DENND1A: variants seen among roughly 807,000 people sequenced by gnomAD.
DENND1A encodes the protein DENN domain containing 1A.
A neutral mutation model predicts 113.7 loss-of-function variants in DENND1A; 51 were observed. That is an observed-to-expected ratio of 0.45 (90% CI 0.36 to 0.57). The LOEUF (loss-of-function observed/expected upper bound fraction) is 0.57. Ranked by LOEUF, DENND1A falls within the 20% of genes least tolerant of loss-of-function variation. The probability of loss-of-function intolerance (pLI) is 0.00; values close to 1 mark genes in which losing one functional copy is unlikely to be tolerated. For missense variants in DENND1A, 1,258 were observed against 1,395.9 expected (o/e 0.90, Z 1.57); for synonymous variants, 565 against 570.8 (o/e 0.99, Z 0.14).
At chr9:123,715,113 G>C (rs1465685015) in intron 5 of DENND1A, among the ~76,000 whole-genome samples, 1 of 152,130 alleles carries the variant, frequency 6.6e-6, no homozygotes, top group Non-Finnish European at 1.5e-5. Context: ...GAACCTGGGA[G>C]GTGGAGGTTG....
chr9:123,867,722 C>A (rs1845981978), intron 2 of DENND1A, among the ~76,000 whole-genome samples: 1 of 152,118 alleles, frequency 6.6e-6, no homozygotes, highest in African/African-American at 2.4e-5. Flanking sequence ...TCCCCCAGTT[C>A]TCCCCCTGCT....
intron 4 of DENND1A, 44 bp from the exon 5 acceptor site, chr9:123,757,866 G>C (rs750010584): frequency 4.4e-6 from 7 of 1,579,830 alleles, no homozygotes; most frequent in Non-Finnish European, 5.2e-6. Context: ...TGTGCAGTAA[G>C]TTTCTTGATA....
chr9:123,672,989 T>C (rs1416198222), intron 6 of DENND1A, among the ~76,000 whole-genome samples: 1 of 152,224 alleles, frequency 6.6e-6, no homozygotes, highest in Non-Finnish European at 1.5e-5. Flanking sequence ...AGTTAGTAGT[T>C]ATAACCCTCT....
intron 2 of DENND1A, 54 bp from the exon 3 acceptor site, chr9:123,792,684 A>T: frequency 6.3e-7 from 1 of 1,580,056 alleles, no homozygotes; most frequent in Non-Finnish European, 8.7e-7. Flanking sequence ...GAGCAAGCAG[A>T]GGATCACACA....
At position 123,477,474 on chromosome 9, in the gene DENND1A, TTGAGCCCG is replaced by T. The variant is rs532926642; in HGVS notation, c.994-19585_994-19578del. Among the ~76,000 whole-genome samples, 74 of 151,882 alleles carry T rather than the reference TTGAGCCCG, an allele frequency of 4.9e-4. 2 individuals carry two copies. The South Asian group carries it at 0.015, about 30-fold the overall frequency. On this transcript the variant is annotated intron_variant, in intron 13 of 23. Transcript: ENST00000394215. ...TTGGGAGGCTGAGGCAGGGTATCAC[TTGAGCCCG>T]TGAGGTTAAGGCTGCAGTGAGCTGT... is the stretch of plus-strand genomic sequence containing the variant.
At chr9:123,495,955 T>A (rs2051879564) in intron 13 of DENND1A, among the ~76,000 whole-genome samples, 1 of 152,334 alleles carries the variant, frequency 6.6e-6, no homozygotes, top group East Asian at 1.9e-4. Context: ...TGCAATCCAC[T>A]CAAATGTCCT....
intron 9 of DENND1A, among the ~76,000 whole-genome samples, chr9:123,637,012 T>C (rs949642769): frequency 3.3e-5 from 5 of 152,174 alleles, no homozygotes; most frequent in Non-Finnish European, 4.4e-5. Flanking sequence ...CAAATTGCAA[T>C]TGCCTAATAG....
chr9:123,552,323 G>C (rs913122705), intron 13 of DENND1A, among the ~76,000 whole-genome samples: 12 of 152,214 alleles, frequency 7.9e-5, no homozygotes, highest in Admixed American at 1.3e-4. Flanking sequence ...ACCGTGCTGG[G>C]CTTATTTAAG....
chr9:123,866,228 C>T (rs1222447294), intron 2 of DENND1A, among the ~76,000 whole-genome samples: 2 of 152,164 alleles, frequency 1.3e-5, no homozygotes, highest in Non-Finnish European at 2.9e-5. Context: ...TGTTTTAATA[C>T]ATTTCTAATC....
At chr9:123,655,355 G>A (rs912375885) in intron 8 of DENND1A, among the ~76,000 whole-genome samples, 2 of 152,162 alleles carry the variant, frequency 1.3e-5, no homozygotes, top group Non-Finnish European at 2.9e-5. Context: ...TCACTCAGGC[G>A]AGAACAGTGC....
At chr9:123,425,441 C>T (rs940783171) in intron 19 of DENND1A, among the ~76,000 whole-genome samples, 7 of 152,270 alleles carry the variant, frequency 4.6e-5, no homozygotes, top group African/African-American at 7.2e-5. Context: ...GCGCCGCGTG[C>T]GGGGATTCTA....
chr9:123,834,813 T>A (rs73666300), intron 2 of DENND1A, among the ~76,000 whole-genome samples: 3 of 152,196 alleles, frequency 2.0e-5, no homozygotes, highest in African/African-American at 7.2e-5. Context: ...ACCAAAACAC[T>A]AAATTGTTTA....
chr9:123,492,736 T>C (rs908394447), intron 13 of DENND1A: 4 of 152,166 alleles, frequency 2.6e-5, no homozygotes, highest in African/African-American at 9.7e-5. Context: ...ATAATGACTG[T>C]GAAGCGCAGC....
chr9:123,777,833 C>A (rs1429202757), intron 3 of DENND1A, among the ~76,000 whole-genome samples: 1 of 152,208 alleles, frequency 6.6e-6, no homozygotes, highest in Admixed American at 6.5e-5. Context: ...AATATCAAAT[C>A]TGCTTTTGAG....
rs2042178219 is a variant in DENND1A at position 123,379,663 on chromosome 9, CAAG to C, written c.*1766_*1768del. The C allele has an allele frequency of 6.6e-6, 1 of 152,278 alleles. No homozygotes were observed. Among genetic ancestry groups the C allele is most frequent in the African/African-American group, 2.4e-5 (1 of 41,470 alleles). The allele number at this position is 152,278 out of a possible 1,614,324, so 9.4% of individuals were successfully genotyped here. A position where few individuals can be genotyped will look rare whatever the true frequency, so the allele number is the denominator to read the frequency against. On this transcript the variant is annotated 3_prime_UTR_variant, in exon 24 of 24. Transcript: ENST00000394215. ...GACACGGGGATGCCAGCCTCTTCCC[CAAG>C]ATGATTTTATTGAATGCACACAAAG...
chr9:123,394,981 C>T (rs10986001), intron 21 of DENND1A, among the ~76,000 whole-genome samples: 13,481 of 152,266 alleles, frequency 0.089, 819 homozygotes, highest in East Asian at 0.23. Flanking sequence ...ATTCCACTGG[C>T]TACAGCCGTG....
chr9:123,482,800 A>G (rs1313250804), intron 13 of DENND1A, among the ~76,000 whole-genome samples: 1 of 152,212 alleles, frequency 6.6e-6, no homozygotes, highest in Non-Finnish European at 1.5e-5. Context: ...TCAGAGGGGA[A>G]GGTGGGCAGA....
chr9:123,525,704 C>A (rs2054776085), intron 13 of DENND1A, among the ~76,000 whole-genome samples: 1 of 150,660 alleles, frequency 6.6e-6, no homozygotes, highest in South Asian at 2.1e-4. Flanking sequence ...AATCCCCCAG[C>A]ATTAGGGCCA....
chr9:123,707,283 A>T (rs961661944), intron 5 of DENND1A, among the ~76,000 whole-genome samples: 1 of 151,808 alleles, frequency 6.6e-6, no homozygotes, highest in Non-Finnish European at 1.5e-5. Flanking sequence ...AATCCCAGCT[A>T]CTCGCGAGGC....
Sources: gnomAD v4.1 joint callset for allele counts (sites outside exome capture counted in the v4.1 genomes callset) on GRCh38, gnomAD v4.1.1 for gene constraint, MANE v1.5 for transcripts, NCBI Gene and HGNC (gene_info 2026-07-23, HGNC 2026-07-21) for gene names.